Variants in GFOD1 observed in about 807,000 individuals in gnomAD.
GFOD1 encodes the protein Gfo/Idh/MocA-like oxidoreductase domain containing 1, also known as glucose-fructose oxidoreductase domain-containing protein 1.
In GFOD1, 9 loss-of-function variants were observed where a neutral mutation model predicts 25.4. The ratio of observed to expected loss-of-function variants is 0.35; its 90% CI spans 0.21 to 0.62. The LOEUF (loss-of-function observed/expected upper bound fraction) is 0.62. Among genes scored for constraint, GFOD1 ranks in the 20% least tolerant of loss-of-function variants. The probability of loss-of-function intolerance (pLI) is 0.72; values close to 1 mark genes in which losing one functional copy is unlikely to be tolerated. For missense variants in GFOD1, 403 were observed against 556.9 expected, an observed-to-expected ratio of 0.72 and a Z score of 2.78; for synonymous variants, 253 against 245.6, an observed-to-expected ratio of 1.03 and a Z score of -0.28.
At chr6:13,447,216 T>A (rs1291740069) in intron 1 of GFOD1, among the ~76,000 whole-genome samples, 1 of 152,098 alleles carries the variant, frequency 6.6e-6, no homozygotes, top group Non-Finnish European at 1.5e-5. Flanking sequence ...CTTCTTAAGG[T>A]TGTAAAGGAA....
intron 1 of GFOD1, among the ~76,000 whole-genome samples, chr6:13,485,768 T>C (rs1028482336): frequency 6.6e-6 from 1 of 152,214 alleles, no homozygotes; most frequent in Non-Finnish European, 1.5e-5. Context: ...AAACTATTCC[T>C]GAAGGCGATT....
At chr6:13,371,311 A>G (rs1485911760) in intron 1 of GFOD1, among the ~76,000 whole-genome samples, 1 of 152,142 alleles carries the variant, frequency 6.6e-6, no homozygotes, top group Non-Finnish European at 1.5e-5. Flanking sequence ...TGCACAGCCT[A>G]AGGAGGCCAT....
chr6:13,384,199 C>T (rs1280026082), intron 1 of GFOD1, among the ~76,000 whole-genome samples: 3 of 152,202 alleles, frequency 2.0e-5, no homozygotes, highest in Non-Finnish European at 4.4e-5. Context: ...TCACTCCAGC[C>T]TGGGTGACAG....
chr6:13,482,981 C>T (rs1218286755), intron 1 of GFOD1, among the ~76,000 whole-genome samples: 1 of 150,802 alleles, frequency 6.6e-6, no homozygotes, highest in Non-Finnish European at 1.5e-5. Context: ...ATATATATGG[C>T]CTTGAATGGG....
At chr6:13,389,611 T>TG (rs932516750) in intron 1 of GFOD1, among the ~76,000 whole-genome samples, 2 of 141,638 alleles carry the variant, frequency 1.4e-5, no homozygotes, top group African/African-American at 5.3e-5. Context: ...TGGGGCCTGT[T>TG]GGGGGGTGCG....
intron 1 of GFOD1, among the ~76,000 whole-genome samples, chr6:13,381,250 T>G (rs560760973): frequency 4.8e-4 from 73 of 152,304 alleles, no homozygotes; most frequent in African/African-American, 1.7e-3. Flanking sequence ...GAAAACTGGG[T>G]GCACCTGAAT....
rs1014253738 is a variant in GFOD1, at chr6:13,439,220, C to G, written c.253+47418G>C. ...AACTTATCACAATAAGAAGGAGAAT[C>G]TAGGAACAAACAACTGAAAATTGAA... On this transcript the variant is annotated intron_variant, in intron 1 of 1. Transcript: ENST00000379287. Among the ~76,000 whole-genome samples, 4 of 136,088 alleles carry G rather than the reference C, an allele frequency of 2.9e-5. No homozygotes were observed. In the Admixed American group the frequency reaches 3.3e-4, roughly 11 times the overall value. 89.3% of individuals were successfully genotyped at this position (136,088 alleles called of 152,430 possible).
At chr6:13,378,453 G>A (rs1176866652) in intron 1 of GFOD1, among the ~76,000 whole-genome samples, 1 of 152,242 alleles carries the variant, frequency 6.6e-6, no homozygotes, top group Non-Finnish European at 1.5e-5. Flanking sequence ...AAGGGCTGGA[G>A]GCTTGACATG....
At chr6:13,391,350 T>A (rs1785604587) in intron 1 of GFOD1, among the ~76,000 whole-genome samples, 1 of 151,808 alleles carries the variant, frequency 6.6e-6, no homozygotes, top group Admixed American at 6.6e-5. Context: ...ATATAAAAAT[T>A]AGCTGGGCGC....
intron 1 of GFOD1, chr6:13,469,469 G>A (rs547774115): frequency 8.1e-5 from 80 of 989,462 alleles, no homozygotes; most frequent in African/African-American, 2.3e-4. Flanking sequence ...CCATTTCCCC[G>A]TTTCTATACT....
chr6:13,385,421 G>T (rs1473976705), intron 1 of GFOD1, among the ~76,000 whole-genome samples: 2 of 152,208 alleles, frequency 1.3e-5, no homozygotes, highest in East Asian at 3.8e-4. Context: ...TATGGTGGGA[G>T]CCTCCCTTAA....
At position 13,469,450 on chromosome 6, in the gene GFOD1, G is replaced by A. The variant is rs1180568798; in HGVS notation, c.253+17188C>T. 6 of 987,670 alleles carry A rather than the reference G, an allele frequency of 6.1e-6. No homozygotes were observed. In the East Asian group the frequency reaches 6.6e-4, roughly 108 times the overall value. 61.2% of individuals were successfully genotyped at this position (987,670 alleles called of 1,614,324 possible). A position where few individuals can be genotyped will look rare whatever the true frequency, so the allele number is the denominator to read the frequency against. On this transcript the variant is annotated intron_variant, in intron 1 of 1. Coordinates refer to ENST00000379287, the MANE Select transcript of GFOD1 (RefSeq NM_018988.4). Reference sequence around the variant, plus strand: ...ATGGAATTAGATGATGCAAGTTCCAGTTCAGTCACCATTTCCCCGTTTCTA... The same window carrying A: ...ATGGAATTAGATGATGCAAGTTCCAATTCAGTCACCATTTCCCCGTTTCTA...
chr6:13,485,230 A>G (rs1758837784), intron 1 of GFOD1, among the ~76,000 whole-genome samples: 1 of 152,230 alleles, frequency 6.6e-6, no homozygotes, highest in South Asian at 2.1e-4. Flanking sequence ...GCCTGATGAA[A>G]ATGCCTTTCT....
At chr6:13,427,699 A>T (rs760555400) in intron 1 of GFOD1, among the ~76,000 whole-genome samples, 3 of 152,210 alleles carry the variant, frequency 2.0e-5, no homozygotes, top group Non-Finnish European at 4.4e-5. Context: ...TCAGAATTCA[A>T]TTTGTATAAA....
intron 1 of GFOD1, among the ~76,000 whole-genome samples, chr6:13,386,936 T>C (rs1012247239): frequency 7.2e-5 from 11 of 152,176 alleles, no homozygotes; most frequent in African/African-American, 2.4e-4. Flanking sequence ...TGAAAAATGT[T>C]AAAAAGCATC....
At chr6:13,428,785 C>T (rs1019492537) in intron 1 of GFOD1, among the ~76,000 whole-genome samples, 1 of 152,156 alleles carries the variant, frequency 6.6e-6, no homozygotes, top group African/African-American at 2.4e-5. Context: ...CACCACAGCC[C>T]GGCTGTGAGC....
chr6:13,378,605 C>T (rs1327083570), intron 1 of GFOD1, among the ~76,000 whole-genome samples: 1 of 152,126 alleles, frequency 6.6e-6, no homozygotes. Flanking sequence ...GCTGGGGTTC[C>T]TACAGGATTC....
At chr6:13,467,177 C>T (rs530665627) in intron 1 of GFOD1, among the ~76,000 whole-genome samples, 2 of 150,160 alleles carry the variant, frequency 1.3e-5, no homozygotes, top group South Asian at 4.2e-4. Context: ...CATAATAAAA[C>T]AGCACATAAA....
chr6:13,396,187 G>A, intron 1 of GFOD1, among the ~76,000 whole-genome samples: 1 of 152,168 alleles, frequency 6.6e-6, no homozygotes. Flanking sequence ...GCCATCATTT[G>A]TTGAGCACCT....
Sources: gnomAD v4.1 joint callset for allele counts (sites outside exome capture counted in the v4.1 genomes callset) on GRCh38, gnomAD v4.1.1 for gene constraint, MANE v1.5 for transcripts, NCBI Gene and HGNC (gene_info 2026-07-23, HGNC 2026-07-21) for gene names.